Variants in ADRA1B observed in about 807,000 individuals in gnomAD.
ADRA1B encodes the protein alpha-1B adrenergic receptor.
In ADRA1B, 17 loss-of-function variants were observed where a neutral mutation model predicts 17.9. That is an observed-to-expected ratio of 0.95 (90% confidence interval 0.65 to 1.42). The LOEUF (loss-of-function observed/expected upper bound fraction) is 1.42. Ranked by LOEUF, ADRA1B falls within the 40% of genes most tolerant of loss-of-function variation. The pLI is 0.00. For synonymous variants in ADRA1B, 366 were observed against 327.6 expected (o/e 1.12, Z -1.27); for missense variants, 681 against 722.1 (o/e 0.94, Z 0.65).
chr5:159,876,461 G>T (rs558900425), intron 1 of ADRA1B, among the ~76,000 whole-genome samples: 2 of 152,260 alleles, frequency 1.3e-5, no homozygotes, highest in Non-Finnish European at 2.9e-5. Flanking sequence ...AGAAGACTTT[G>T]ACTCAGATCC....
intron 1 of ADRA1B, among the ~76,000 whole-genome samples, chr5:159,954,779 T>A (rs80355490): frequency 0.012 from 1,856 of 152,292 alleles, 49 homozygotes; most frequent in African/African-American, 0.042. Flanking sequence ...GCATCCAAGC[T>A]ACCATATGTA....
At chr5:159,925,594 C>T (rs1754622915) in intron 1 of ADRA1B, among the ~76,000 whole-genome samples, 1 of 152,190 alleles carries the variant, frequency 6.6e-6, no homozygotes, top group Non-Finnish European at 1.5e-5. Context: ...GCCACAAGAT[C>T]AGGTGAGTTG....
At chr5:159,967,032 T>C (rs1476813589) in intron 1 of ADRA1B, among the ~76,000 whole-genome samples, 1 of 152,220 alleles carries the variant, frequency 6.6e-6, no homozygotes, top group Non-Finnish European at 1.5e-5. Context: ...GTATGTGCAG[T>C]ATGACCCCAT....
chr5:159,985,386 C>A, the ADRA1B span, among the ~76,000 whole-genome samples: 5 of 152,306 alleles, frequency 3.3e-5, no homozygotes, highest in East Asian at 9.6e-4. Context: ...TTGGTTACTT[C>A]TGGATTCCTG....
At chr5:159,909,418 G>C (rs115382968) in intron 1 of ADRA1B, among the ~76,000 whole-genome samples, 1 of 152,310 alleles carries the variant, frequency 6.6e-6, no homozygotes, top group African/African-American at 2.4e-5. Context: ...CAAGGAAAAG[G>C]TTCCCACCAC....
rs1162659317 is a variant in ADRA1B, at chr5:159,951,798, C to T, written c.950-20081C>T. ...GCTGTTGTGCCCTTTTATTGTCTGG[C>T]TTAGTTCTATCTTTTCATCCCTGCT... is the stretch of plus-strand genomic sequence containing the variant. On this transcript the variant is annotated intron_variant, in intron 1 of 1. Coordinates refer to ENST00000306675, the MANE Select transcript of ADRA1B (RefSeq NM_000679.4). Among the ~76,000 whole-genome samples, 3 of 152,118 alleles carry T rather than the reference C, an allele frequency of 2.0e-5. No homozygotes were observed. The East Asian group carries it at 5.8e-4, about 29-fold the overall frequency.
intron 1 of ADRA1B, among the ~76,000 whole-genome samples, chr5:159,910,722 C>T (rs187654056): frequency 1.3e-3 from 192 of 152,172 alleles, no homozygotes; most frequent in Middle Eastern, 3.4e-3. Flanking sequence ...TGGATTTGAT[C>T]GATTAATTGT....
At chr5:159,948,506 A>G in intron 1 of ADRA1B, 1 of 972,026 alleles carries the variant, frequency 1.0e-6, no homozygotes, top group Non-Finnish European at 1.2e-6. Flanking sequence ...ACAAGAAGTT[A>G]TATGCGTGTT....
chr5:159,958,660 G>T (rs1285666892), intron 1 of ADRA1B, among the ~76,000 whole-genome samples: 1 of 152,104 alleles, frequency 6.6e-6, no homozygotes, highest in Non-Finnish European at 1.5e-5. Flanking sequence ...ACAAAAACCT[G>T]TTGGGATTTT....
At chr5:159,891,709 C>T (rs948645558) in intron 1 of ADRA1B, among the ~76,000 whole-genome samples, 4 of 152,172 alleles carry the variant, frequency 2.6e-5, no homozygotes, top group African/African-American at 9.7e-5. Flanking sequence ...GCCCTCCTCC[C>T]TCAGGTCTTC....
chr5:159,947,403 C>G (rs921079461), intron 1 of ADRA1B, among the ~76,000 whole-genome samples: 10 of 152,052 alleles, frequency 6.6e-5, no homozygotes, highest in Admixed American at 3.3e-4. Flanking sequence ...GACCCAAGTT[C>G]TCAGGGCTCA....
At chr5:159,869,073 A>G (rs1224241622) in intron 1 of ADRA1B, 1 of 152,204 alleles carries the variant, frequency 6.6e-6, no homozygotes, top group Admixed American at 6.5e-5. Context: ...AGAAAAACCA[A>G]CTGAAATCGG....
upstream of ADRA1B, among the ~76,000 whole-genome samples, chr5:159,914,134 C>T (rs180884645): frequency 1.8e-4 from 27 of 152,328 alleles, no homozygotes; most frequent in African/African-American, 6.3e-4. Flanking sequence ...GCAAGAGAAG[C>T]TGACCACCTG....
At chr5:159,906,148 C>G (rs1450726371) in intron 1 of ADRA1B, among the ~76,000 whole-genome samples, 1 of 152,166 alleles carries the variant, frequency 6.6e-6, no homozygotes, top group African/African-American at 2.4e-5. Context: ...AGCCACCGCA[C>G]CAACCACAAT....
intron 1 of ADRA1B, among the ~76,000 whole-genome samples, chr5:159,893,089 C>T (rs1426687338): frequency 6.6e-6 from 1 of 152,180 alleles, no homozygotes; most frequent in Non-Finnish European, 1.5e-5. Flanking sequence ...CATTATTTAA[C>T]TTAATTAATG....
rs1755903867 is a variant in ADRA1B at position 159,972,609 on chromosome 5, A to ACCGGGGGGAGGG, written c.*124_*135dup. ...CGGGTAGACGCGCGCCCCAAGGGGA[A>ACCGGGGGGAGGG]CCGGGGGGAGGGCCGGGGAGAGGGG... On this transcript the variant is annotated 3_prime_UTR_variant, in exon 2 of 2. Coordinates refer to ENST00000306675, the MANE Select transcript of ADRA1B (RefSeq NM_000679.4). The ACCGGGGGGAGGG allele has an allele frequency of 1.3e-5, 2 of 153,366 alleles. No homozygotes were observed. Among genetic ancestry groups the ACCGGGGGGAGGG allele is most frequent in the African/African-American group, 5.9e-5 (2 of 33,748 alleles). 9.5% of individuals were successfully genotyped at this position (153,366 alleles called of 1,614,324 possible).
chr5:159,906,148 C>A (rs1450726371), intron 1 of ADRA1B, among the ~76,000 whole-genome samples: 1 of 152,166 alleles, frequency 6.6e-6, no homozygotes, highest in African/African-American at 2.4e-5. Context: ...AGCCACCGCA[C>A]CAACCACAAT....
intron 1 of ADRA1B, among the ~76,000 whole-genome samples, chr5:159,927,697 A>C (rs927857572): frequency 4.6e-5 from 7 of 152,192 alleles, no homozygotes; most frequent in Admixed American, 2.0e-4. Flanking sequence ...TATTTTCAAA[A>C]GTGTCTCAAT....
chr5:159,883,205 T>C (rs938026215), intron 1 of ADRA1B, among the ~76,000 whole-genome samples: 4 of 152,172 alleles, frequency 2.6e-5, no homozygotes, highest in African/African-American at 9.7e-5. Flanking sequence ...CCTCCACTCC[T>C]ACAATCAAAA....
Sources: gnomAD v4.1 joint callset for allele counts (sites outside exome capture counted in the v4.1 genomes callset) on GRCh38, gnomAD v4.1.1 for gene constraint, MANE v1.5 for transcripts, NCBI Gene and HGNC (gene_info 2026-07-23, HGNC 2026-07-21) for gene names.